KIF11: variants seen among roughly 807,000 people sequenced by gnomAD.
The protein encoded by KIF11 is kinesin family member 11.
In KIF11, 9 loss-of-function variants were observed where a neutral mutation model predicts 121.0. The observed-to-expected ratio is 0.07, with a 90% CI of 0.04 to 0.13. The LOEUF (loss-of-function observed/expected upper bound fraction) is 0.13. Among genes scored for constraint, KIF11 ranks in the 10% least tolerant of loss-of-function variants. The pLI, the probability that KIF11 is intolerant of heterozygous loss-of-function variation, is 1.00. For missense variants in KIF11, 846 were observed against 1,217.5 expected (o/e 0.69, Z 4.54); for synonymous variants, 408 against 421.0 (o/e 0.97, Z 0.38).
chr10:92,625,952 T>C (rs571385212), intron 10 of KIF11, among the ~76,000 whole-genome samples: 3 of 152,156 alleles, frequency 2.0e-5, no homozygotes, highest in Non-Finnish European at 4.4e-5. Flanking sequence ...GGAAAAACTT[T>C]CCATGCTCAT....
intron 17 of KIF11, among the ~76,000 whole-genome samples, chr10:92,641,488 T>G (rs1189337789): frequency 6.6e-6 from 1 of 152,234 alleles, no homozygotes; most frequent in Admixed American, 6.5e-5. Flanking sequence ...TTTGAAATAT[T>G]TCCATTTTCT....
In KIF11 at chr10:92,655,321, A is replaced by T. The variant is rs1044153; in HGVS notation, c.*1525A>T. On this transcript the variant is annotated 3_prime_UTR_variant, in exon 22 of 22. Transcript: ENST00000260731. ...TAATTTCTCTGCAAAATCAGATGTC[A>T]GCATAAGCGATGGATAATACCTAAT... 1.1e-4 allele frequency: 17 copies of T among 152,236 alleles called. No individual in the cohort carries two copies. The South Asian group carries it at 1.5e-3, about 13-fold the overall frequency. 9.4% of individuals were successfully genotyped at this position (152,236 alleles called of 1,614,324 possible).
intron 16 of KIF11, among the ~76,000 whole-genome samples, chr10:92,638,932 C>T (rs1378088952): frequency 6.6e-6 from 1 of 152,134 alleles, no homozygotes; most frequent in Non-Finnish European, 1.5e-5. Context: ...CTTCTTTGGT[C>T]ATTAGGATGG....
rs1844593563 is a variant in KIF11, at chr10:92,619,221, T to G, written c.1129-2164T>G. Among the ~76,000 whole-genome samples, 3 of 152,278 alleles carry G rather than the reference T, an allele frequency of 2.0e-5. No homozygotes were observed. The South Asian group carries it at 6.2e-4, about 32-fold the overall frequency. Reference sequence around the variant, plus strand: ...TTAGTAGAGACGGGGTTTCACCATGTTCGCCAGGCTGGGTCTCAAACTCTT... The same window carrying G: ...TTAGTAGAGACGGGGTTTCACCATGGTCGCCAGGCTGGGTCTCAAACTCTT... On this transcript the variant is annotated intron_variant, in intron 9 of 21. Coordinates refer to ENST00000260731, the MANE Select transcript of KIF11 (RefSeq NM_004523.4).
chr10:92,625,795 G>A (rs1844670017), intron 10 of KIF11, among the ~76,000 whole-genome samples: 1 of 152,090 alleles, frequency 6.6e-6, no homozygotes, highest in Admixed American at 6.6e-5. Context: ...TGTCCAAGCT[G>A]AGTGCCAAAC....
intron 18 of KIF11, among the ~76,000 whole-genome samples, chr10:92,647,108 C>T (rs575307979): frequency 9.2e-5 from 14 of 152,248 alleles, no homozygotes; most frequent in Middle Eastern, 3.4e-3. Flanking sequence ...GCAGTACTAC[C>T]TATGAAATAC....
intron 16 of KIF11, 79 bp downstream of exon 16, chr10:92,637,624 T>A (rs912363204): frequency 7.3e-7 from 1 of 1,364,060 alleles, no homozygotes; most frequent in African/African-American, 1.5e-5. Flanking sequence ...TTAATCTATG[T>A]TACACAATCT....
chr10:92,649,991 ATT>A lies in KIF11; in HGVS notation c.2922+7_2922+8del. On this transcript the variant is annotated splice_donor_region_variant and intron_variant, in intron 20 of 21. Coordinates refer to ENST00000260731, the MANE Select transcript of KIF11 (RefSeq NM_004523.4). Reference sequence around the variant, plus strand: ...AACAAAGAAGAGACAATTCCGGTAAATTTAAAGGATCATATTTTATAATAGAA... The same window carrying A: ...AACAAAGAAGAGACAATTCCGGTAAATAAAGGATCATATTTTATAATAGAA... 1 of 1,600,212 alleles carries A rather than the reference ATT, an allele frequency of 6.2e-7. No homozygotes were observed.
chr10:92,614,684 G>T (rs886927141), intron 8 of KIF11, among the ~76,000 whole-genome samples: 1 of 152,168 alleles, frequency 6.6e-6, no homozygotes, highest in Non-Finnish European at 1.5e-5. Context: ...CGTTGGATGT[G>T]TGAGAACAGA....
chr10:92,645,557 C>G lies in KIF11; in HGVS notation c.2462C>G (p.Ser821Cys). 6.2e-7 allele frequency: 1 copy of G among 1,613,088 alleles called. No individual in the cohort carries two copies. Among genetic ancestry groups the G allele is most frequent in the Non-Finnish European group, 8.5e-7 (1 of 1,179,128 alleles). ...CAAGAGACTGAACAGAGATGTGAAT[C>G]TCTGAACACAAGAACAGTTTATTTT... The part of the protein sequence containing the change: ...ISQETEQRCE[S>C]LNTRTVYFSE... Residue 821 changes from serine (S) to cysteine (C), a missense_variant, in exon 18 of 22, where the codon TCT becomes TGT. Physicochemically the swap from Ser to Cys is moderately radical, Grantham distance 112. Around this residue, in one of 5 missense-constraint regions of KIF11, gnomAD observed 492 missense variants for 603.4 expected, o/e 0.82. Transcript: ENST00000260731.
rs770048762 is a variant in KIF11 at position 92,632,733 on chromosome 10, G to T, written c.1702+40G>T. 3 of 1,267,320 alleles carry T rather than the reference G, an allele frequency of 2.4e-6. 1 individual carries two copies. In the South Asian group the frequency reaches 4.6e-5, roughly 19 times the overall value. 78.5% of individuals were successfully genotyped at this position (1,267,320 alleles called of 1,614,324 possible). ...TTCTGTTCTAGTCTTGATGTGTTAA[G>T]TGTAATGTTGATTTCAAAACTGATA... On this transcript the variant is annotated intron_variant, in intron 13 of 21. Coordinates refer to ENST00000260731, the MANE Select transcript of KIF11 (RefSeq NM_004523.4).
intron 14 of KIF11, among the ~76,000 whole-genome samples, 171 bp downstream of exon 14, chr10:92,633,966 T>C (rs1344007057): frequency 6.6e-6 from 1 of 152,108 alleles, no homozygotes; most frequent in Non-Finnish European, 1.5e-5. Context: ...AGACTACATA[T>C]ATATATATTT....
chr10:92,611,305 C>T (rs1207722303), intron 6 of KIF11, among the ~76,000 whole-genome samples: 3 of 152,054 alleles, frequency 2.0e-5, no homozygotes, highest in Middle Eastern at 3.4e-3. Context: ...CTCTGCCTCC[C>T]GGGTTCACGC....
chr10:92,645,411 T>G lies in KIF11; in HGVS notation c.2316T>G (p.Phe772Leu), dbSNP rs202150514. 5.5e-5 allele frequency: 88 copies of G among 1,613,058 alleles called. 1 individual carries two copies. Among genetic ancestry groups the G allele is most frequent in the Non-Finnish European group, 7.4e-5 (87 of 1,179,434 alleles). ...VNKMTFHSQK[F>L]CADSDGFSQE... ...AAATGACTTTTCACAGTCAAAAATT[T>G]TGTGCTGATTCTGATGGCTTCTCAC... The change falls in exon 18 of 22, where the codon TTT becomes TTG. Residue 772 changes from phenylalanine to leucine, a missense_variant. Physicochemically the swap from Phe to Leu is conservative, Grantham distance 22. Around this residue, in one of 5 missense-constraint regions of KIF11, gnomAD observed 492 missense variants for 603.4 expected, o/e 0.82. Coordinates refer to ENST00000260731, the MANE Select transcript of KIF11 (RefSeq NM_004523.4).
chr10:92,604,840 G>A (rs1844411349), intron 1 of KIF11, among the ~76,000 whole-genome samples: 1 of 152,086 alleles, frequency 6.6e-6, no homozygotes, highest in Non-Finnish European at 1.5e-5. Flanking sequence ...GCTACTCTGT[G>A]GACTGTGATA....
chr10:92,649,017 T>C (rs962367621), intron 19 of KIF11, among the ~76,000 whole-genome samples: 2 of 152,214 alleles, frequency 1.3e-5, no homozygotes, highest in African/African-American at 2.4e-5. Flanking sequence ...GGGTTCTTCA[T>C]TGGATTATGG....
intron 9 of KIF11, 75 bp from the exon 10 acceptor site, chr10:92,621,310 T>C (rs1195161938): frequency 7.6e-6 from 6 of 790,838 alleles, no homozygotes; most frequent in Non-Finnish European, 8.3e-6. Flanking sequence ...ACTTTACATT[T>C]TATTTGTTGC....
intron 1 of KIF11, among the ~76,000 whole-genome samples, chr10:92,594,106 A>G (rs3781236): frequency 0.15 from 22,712 of 152,184 alleles, 3,607 homozygotes; most frequent in African/African-American, 0.4. Flanking sequence ...ATTTTAAAAT[A>G]AGCTAGAAAC....
intron 9 of KIF11, among the ~76,000 whole-genome samples, chr10:92,620,288 G>A (rs970153839): frequency 6.6e-6 from 1 of 152,034 alleles, no homozygotes; most frequent in East Asian, 1.9e-4. Flanking sequence ...CACCATGTTA[G>A]CCAGGATAGT....
Sources: gnomAD v4.1 joint callset for allele counts (sites outside exome capture counted in the v4.1 genomes callset) on GRCh38, gnomAD v4.1.1 for gene constraint, gnomAD v4.1.1 regional missense constraint, MANE v1.5 for transcripts, NCBI Gene and HGNC (gene_info 2026-07-23, HGNC 2026-07-21) for gene names.